The following GSAP variants were observed in gnomAD, a reference collection of about 807,000 sequenced individuals.
GSAP encodes gamma-secretase-activating protein.
In GSAP, 118 loss-of-function variants were observed where a neutral mutation model predicts 131.7. The observed-to-expected ratio is 0.90, with a 90% CI of 0.77 to 1.04. The LOEUF (loss-of-function observed/expected upper bound fraction) is 1.04, where lower values mean the gene tolerates loss of function less well. GSAP is among the 50% of genes least tolerant of loss of function. The probability of loss-of-function intolerance (pLI) is 0.00; values close to 1 mark genes in which losing one functional copy is unlikely to be tolerated. For missense variants in GSAP, 1,019 were observed against 1,013.2 expected (o/e 1.01, Z -0.08); for synonymous variants, 381 against 363.4 (o/e 1.05, Z -0.55).
chr7:77,378,130 T>C (rs1469703779), intron 8 of GSAP, among the ~76,000 whole-genome samples: 1 of 152,208 alleles, frequency 6.6e-6, no homozygotes, highest in African/African-American at 2.4e-5. Flanking sequence ...CACGTTTCTA[T>C]TACCAATGCA....
chr7:77,360,765 G>T, intron 14 of GSAP, 59 bp downstream of exon 14: 1 of 879,656 alleles, frequency 1.1e-6, no homozygotes, highest in Non-Finnish European at 1.9e-6. Flanking sequence ...GAAGGCTGAG[G>T]TATACCATGC....
rs1804430568 is a variant in GSAP, at chr7:77,416,195, G to GT, written c.109+17_109+18insA. The GT allele has an allele frequency of 2.2e-6, 1 of 453,266 alleles. No individual in the cohort carries two copies. Among genetic ancestry groups the GT allele is most frequent in the Admixed American group, 5.7e-5 (1 of 17,598 alleles). 28.1% of individuals were successfully genotyped at this position (453,266 alleles called of 1,614,324 possible). Reference sequence around the variant, plus strand: ...CCACTCCCCGCCCCCACCCCTCTCCGCAGCGCGCCTCCCGCACCTGCGCCG... The same window carrying GT: ...CCACTCCCCGCCCCCACCCCTCTCCGTCAGCGCGCCTCCCGCACCTGCGCCG... On this transcript the variant is annotated intron_variant, in intron 1 of 30. Coordinates refer to ENST00000257626, the MANE Select transcript of GSAP (RefSeq NM_017439.4).
At chr7:77,409,979 A>T (rs1802988588) in intron 1 of GSAP, among the ~76,000 whole-genome samples, 1 of 152,166 alleles carries the variant, frequency 6.6e-6, no homozygotes, top group Non-Finnish European at 1.5e-5. Flanking sequence ...GGATATTCTG[A>T]TTTTATTGAG....
chr7:77,379,330 A>G (rs1334324370), intron 8 of GSAP, among the ~76,000 whole-genome samples: 1 of 151,190 alleles, frequency 6.6e-6, no homozygotes. Flanking sequence ...TCTATCATGC[A>G]GGGATGTTGC....
At chr7:77,392,771 G>A (rs1172043464) in intron 5 of GSAP, among the ~76,000 whole-genome samples, 1 of 152,174 alleles carries the variant, frequency 6.6e-6, no homozygotes, top group East Asian at 1.9e-4. Context: ...TTCTGAAGGA[G>A]CTCTGGTTAT....
chr7:77,379,904 C>T (rs2151026520), intron 8 of GSAP: 2 of 976,580 alleles, frequency 2.0e-6, no homozygotes, highest in Middle Eastern at 1.1e-3. Flanking sequence ...ATAGCTGATA[C>T]ACAATTGATA....
At chr7:77,353,491 G>T in intron 17 of GSAP, 81 bp downstream of exon 17, 1 of 814,570 alleles carries the variant, frequency 1.2e-6, no homozygotes, top group Non-Finnish European at 2.1e-6. Flanking sequence ...ACAGGTTGAG[G>T]CATTCACTAT....
intron 5 of GSAP, among the ~76,000 whole-genome samples, chr7:77,396,631 T>TA (rs1800440889): frequency 6.6e-6 from 1 of 152,168 alleles, no homozygotes; most frequent in African/African-American, 2.4e-5. Flanking sequence ...TGTTAGGTAT[T>TA]AATCAATACC....
At chr7:77,375,988 G>GT (rs1044187642) in intron 10 of GSAP, among the ~76,000 whole-genome samples, 21 of 151,848 alleles carry the variant, frequency 1.4e-4, no homozygotes, top group Non-Finnish European at 5.9e-5. Context: ...ATTTTTAGAA[G>GT]TTTTTTTCCA....
At chr7:77,403,248 C>G (rs1801676422) in intron 3 of GSAP, among the ~76,000 whole-genome samples, 1 of 152,142 alleles carries the variant, frequency 6.6e-6, no homozygotes, top group African/African-American at 2.4e-5. Context: ...TTATGTTGAT[C>G]ATCACTGTGT....
chr7:77,414,186 C>A (rs1205912357), intron 1 of GSAP, among the ~76,000 whole-genome samples: 4 of 152,160 alleles, frequency 2.6e-5, no homozygotes, highest in African/African-American at 7.2e-5. Context: ...AACATTAAGG[C>A]TTCAAATTCA....
intron 3 of GSAP, among the ~76,000 whole-genome samples, chr7:77,400,169 C>A (rs1801085630): frequency 6.6e-6 from 1 of 152,176 alleles, no homozygotes; most frequent in Non-Finnish European, 1.5e-5. Flanking sequence ...AGCCTTCCCC[C>A]TTCTGCGAGA....
chr7:77,323,537 C>T, intron 24 of GSAP, 110 bp downstream of exon 24: 1 of 558,170 alleles, frequency 1.8e-6, no homozygotes, highest in Non-Finnish European at 3.2e-6. Flanking sequence ...GGGAGATCTC[C>T]AAAAATCTAA....
chr7:77,326,903 C>A (rs1788394506), intron 22 of GSAP: 1 of 152,230 alleles, frequency 6.6e-6, no homozygotes. Flanking sequence ...CCCCAAAGCG[C>A]TTCTAACTTC....
At position 77,355,228 on chromosome 7, in the gene GSAP, C is replaced by T. The variant is rs755643780; in HGVS notation, c.1323G>A (p.Gln441=). Residue 441 remains glutamine, a synonymous_variant, in exon 16 of 31, where the codon CAG becomes CAA. Coordinates refer to ENST00000257626, the MANE Select transcript of GSAP (RefSeq NM_017439.4). ...HCALYCGQGA[Q]FLEAQIIQWI... ...ATCTTCTCACCTGGGCTTCCAGGAA[C>T]TGCGCACCTTGACCGCAGTAGAGCG... is the stretch of plus-strand genomic sequence containing the variant. 7.4e-6 allele frequency: 12 copies of T among 1,612,050 alleles called. No homozygotes were observed. The highest frequency in any genetic ancestry group is 9.3e-6 in the Non-Finnish European group (11 of 1,178,308).
chr7:77,326,967 G>A (rs1164368901), intron 22 of GSAP: 1 of 152,182 alleles, frequency 6.6e-6, no homozygotes, highest in Non-Finnish European at 1.5e-5. Context: ...CCAGGCAAGA[G>A]GGCAGAACCA....
At chr7:77,332,141 AG>A (rs1789255509) in intron 19 of GSAP, among the ~76,000 whole-genome samples, 1 of 152,108 alleles carries the variant, frequency 6.6e-6, no homozygotes, top group African/African-American at 2.4e-5. Flanking sequence ...AGGATATGGG[AG>A]GGGAGAAACT....
At chr7:77,362,952 A>G (rs1164512223) in intron 12 of GSAP, among the ~76,000 whole-genome samples, 2 of 152,216 alleles carry the variant, frequency 1.3e-5, no homozygotes, top group Non-Finnish European at 2.9e-5. Context: ...CAGTTTCCAA[A>G]GCTTCATGAG....
At chr7:77,331,735 G>GA (rs1405698044) in intron 19 of GSAP, 1 of 152,102 alleles carries the variant, frequency 6.6e-6, no homozygotes, top group Non-Finnish European at 1.5e-5. Flanking sequence ...CCCAGAGACA[G>GA]AAAAACTCTT....
Sources: allele counts gnomAD v4.1 joint callset (sites outside exome capture counted in the v4.1 genomes callset), GRCh38; gene constraint gnomAD v4.1.1; transcripts MANE v1.5; gene names NCBI Gene and HGNC (gene_info 2026-07-23, HGNC 2026-07-21).